CASZ1: variants seen among roughly 807,000 people sequenced by gnomAD.
CASZ1 encodes the protein castor zinc finger 1, also known as zinc finger protein castor homolog 1.
CASZ1 carries 28 observed loss-of-function variants against 135.2 expected under a neutral mutation model. The observed-to-expected ratio is 0.21, with a 90% CI of 0.15 to 0.28. The LOEUF (loss-of-function observed/expected upper bound fraction) is 0.28, where lower values mean the gene tolerates loss of function less well. Among genes scored for constraint, CASZ1 ranks in the 10% least tolerant of loss-of-function variants. The probability of loss-of-function intolerance (pLI) is 1.00; values close to 1 mark genes in which losing one functional copy is unlikely to be tolerated. For missense variants in CASZ1, 2,161 were observed against 2,453.3 expected, an observed-to-expected ratio of 0.88 and a Z score of 2.52; for synonymous variants, 1,068 against 1,073.4, an observed-to-expected ratio of 0.99 and a Z score of 0.10.
chr1:10,779,657 T>C (rs1640727584), intron 1 of CASZ1, among the ~76,000 whole-genome samples: 1 of 152,248 alleles, frequency 6.6e-6, no homozygotes, highest in African/African-American at 2.4e-5. Flanking sequence ...TTTCAAGCGT[T>C]CTACAGAAGC....
Position 10,660,167 on chromosome 1 carries a change from A to G in CASZ1, c.875T>C (p.Leu292Pro). The part of the protein sequence containing the change: ...TAHLETKATI[L>P]PLPSHSSVQM... ...GACACTGCTGTGCGACGGCAGGGGC[A>G]GGATGGTGGCCTTGGTCTCCAGGTG... Residue 292 changes from leucine to proline, a missense_variant, in exon 6 of 21, where the codon CTG becomes CCG. Leu to Pro is a moderately conservative substitution (Grantham distance 98, BLOSUM62 -3). This residue lies in a region of CASZ1 where 590 missense variants were observed against 609.8 expected (regional missense o/e 0.97). Transcript: ENST00000377022. 5 of 1,613,998 alleles carry G rather than the reference A, an allele frequency of 3.1e-6. No homozygotes were observed. The highest frequency in any genetic ancestry group is 4.2e-6 in the Non-Finnish European group (5 of 1,179,970).
In CASZ1 at chr1:10,720,228, A is replaced by G. The variant is rs1639472003; in HGVS notation, c.-76-14684T>C. The stretch of plus-strand genomic sequence containing the variant: ...GCTGTGGTGAGGGTTTGGGGAAGCG[A>G]TGAGGGTAAAGCTCTTAGCAAAGTG... On this transcript the variant is annotated intron_variant, in intron 2 of 20. Transcript: ENST00000377022. This position sits in a 1 kb window ranked among gnomAD's most constrained non-coding sequence, Gnocchi z 5.7. 1.3e-5 allele frequency among the ~76,000 whole-genome samples: 2 copies of G among 152,212 alleles called. No homozygotes were observed. The highest frequency in any genetic ancestry group is 4.8e-5 in the African/African-American group (2 of 41,450).
chr1:10,728,453 A>G (rs1241326230), intron 2 of CASZ1, among the ~76,000 whole-genome samples: 3 of 152,198 alleles, frequency 2.0e-5, no homozygotes, highest in South Asian at 2.1e-4. Context: ...CACCAGGACA[A>G]TCCTGTCCCA....
intron 1 of CASZ1, among the ~76,000 whole-genome samples, chr1:10,766,651 C>G (rs144647570): frequency 2.6e-5 from 4 of 152,188 alleles, no homozygotes; most frequent in African/African-American, 9.7e-5. Flanking sequence ...TTTGATAAAT[C>G]AATCACAAAG....
intron 4 of CASZ1, among the ~76,000 whole-genome samples, chr1:10,693,552 C>T (rs1638833687): frequency 7.0e-6 from 1 of 142,646 alleles, no homozygotes; most frequent in Non-Finnish European, 1.5e-5. Flanking sequence ...AAACACGAAG[C>T]CATACAAAAA....
At position 10,774,150 on chromosome 1, in the gene CASZ1, G is replaced by A. The variant is rs139612204; in HGVS notation, c.-233-13293C>T. The stretch of plus-strand genomic sequence containing the variant: ...GCACTAATCCTCTTTTCCCATTTCC[G>A]TCTGCTTGTGGATGTAATTAGAGTT... On this transcript the variant is annotated intron_variant, in intron 1 of 20. Transcript: ENST00000377022. The surrounding 1 kb of genome is among the most constrained non-coding windows in gnomAD (Gnocchi z 4.4). 2.8e-4 allele frequency among the ~76,000 whole-genome samples: 42 copies of A among 152,206 alleles called. No individual in the cohort carries two copies. The highest frequency in any genetic ancestry group is 3.8e-4 in the Non-Finnish European group (26 of 68,032).
chr1:10,778,725 G>A (rs915314934), intron 1 of CASZ1, among the ~76,000 whole-genome samples: 7 of 152,190 alleles, frequency 4.6e-5, no homozygotes, highest in African/African-American at 1.7e-4. Context: ...CTTGATCCGT[G>A]TGGAATTCCA....
chr1:10,667,552 G>T lies in CASZ1; in HGVS notation c.17-1981C>A, dbSNP rs918229665. Among the ~76,000 whole-genome samples the T allele has an allele frequency of 2.0e-5, 3 of 152,192 alleles. No homozygotes were observed. In the East Asian group the frequency reaches 5.8e-4, roughly 29 times the overall value. On this transcript the variant is annotated intron_variant, in intron 4 of 20. Transcript: ENST00000377022. ...CAGCATCCCACTCGACCTCGGAGCT[G>T]CCCAGCAGGTTCTGTGACGCCGGGT...
chr1:10,658,215 G>A (rs575687666), intron 7 of CASZ1: 157 of 395,404 alleles, frequency 4.0e-4, no homozygotes, highest in African/African-American at 2.9e-3. Flanking sequence ...ACCCAGGCAA[G>A]CTGGGGGAGC....
rs971691426 is a variant in CASZ1, at chr1:10,792,636, C to T, written c.-234+3928G>A. 2.6e-5 allele frequency among the ~76,000 whole-genome samples: 4 copies of T among 151,764 alleles called. No individual in the cohort carries two copies. The East Asian group carries it at 5.9e-4, about 22-fold the overall frequency. On this transcript the variant is annotated intron_variant, in intron 1 of 20. Transcript: ENST00000377022. Reference sequence around the variant, plus strand: ...TTTGCAATTTTTCAGTGTCACAAAACAAGATAATTTTTTTCTGTCTTCCTT... The same window carrying T: ...TTTGCAATTTTTCAGTGTCACAAAATAAGATAATTTTTTTCTGTCTTCCTT...
At chr1:10,742,257 C>T (rs1037863477) in intron 2 of CASZ1, among the ~76,000 whole-genome samples, 5 of 152,114 alleles carry the variant, frequency 3.3e-5, no homozygotes, top group South Asian at 4.1e-4. Flanking sequence ...CGGGAGGGGG[C>T]GGAGGAGAGG....
In CASZ1 at chr1:10,755,501, T is replaced by C. The variant is rs1640235229; in HGVS notation, c.-77+5200A>G. On this transcript the variant is annotated intron_variant, in intron 2 of 20. Transcript: ENST00000377022. The surrounding 1 kb of genome is among the most constrained non-coding windows in gnomAD (Gnocchi z 4.3). ...CCAAATCCACGGGTTGTCCCATCCT[T>C]TGGATCAACTGCGTCACCCGCCGAG... Among the ~76,000 whole-genome samples the C allele has an allele frequency of 6.6e-6, 1 of 151,966 alleles. No homozygotes were observed. Among genetic ancestry groups the C allele is most frequent in the Non-Finnish European group, 1.5e-5 (1 of 67,956 alleles).
In CASZ1 at chr1:10,649,433, G is replaced by A. The variant is rs1298885651; in HGVS notation, c.2885C>T (p.Ser962Phe). The change falls in exon 14 of 21, where the codon TCT becomes TTT. Residue 962 changes from serine to phenylalanine, a missense_variant. Transcript: ENST00000377022. ...GCTGCCCAGGCCAGGGTTGCCCTGAGACATCTGTGAGGGACAGAGGCCGAG... is the reference window on the plus strand; with the variant it reads ...GCTGCCCAGGCCAGGGTTGCCCTGAAACATCTGTGAGGGACAGAGGCCGAG... ...SLLSSLMNKM[S>F]QGNPGLGSLL... The A allele has an allele frequency of 6.2e-7, 1 of 1,608,420 alleles. No homozygotes were observed. Among genetic ancestry groups the A allele is most frequent in the Non-Finnish European group, 8.5e-7 (1 of 1,177,206 alleles).
chr1:10,656,654 T>C lies in CASZ1; in HGVS notation c.1492A>G (p.Asn498Asp). The C allele has an allele frequency of 6.3e-7, 1 of 1,597,536 alleles. No individual in the cohort carries two copies. The highest frequency in any genetic ancestry group is 8.5e-7 in the Non-Finnish European group (1 of 1,172,552). The change falls in exon 8 of 21, where the codon AAC becomes GAC. Residue 498 changes from asparagine (N) to aspartate (D), a missense_variant. Around this residue, in one of 7 missense-constraint regions of CASZ1, gnomAD observed 248 missense variants for 410.8 expected, o/e 0.60. Coordinates refer to ENST00000377022, the MANE Select transcript of CASZ1 (RefSeq NM_001079843.3). ...TCTGGCTGTGGCCGTACCTGGTAGT[T>C]ACACTCAGGGTCAAGGCAGTGGTAG... The part of the protein sequence containing the change: ...EHYHCLDPEC[N>D]YQRFTSKQDV...
At chr1:10,672,871 C>T (rs1171195511) in intron 4 of CASZ1, among the ~76,000 whole-genome samples, 4 of 152,240 alleles carry the variant, frequency 2.6e-5, no homozygotes, top group Non-Finnish European at 5.9e-5. Flanking sequence ...CTCCGTTCCA[C>T]GTCCGCCTCC....
chr1:10,710,199 CA>C (rs1639259848), intron 2 of CASZ1, among the ~76,000 whole-genome samples: 1 of 152,224 alleles, frequency 6.6e-6, no homozygotes, highest in Admixed American at 6.5e-5. Context: ...GAGGCTGGCT[CA>C]GCACCAGCTT....
At chr1:10,714,252 G>A (rs1023898382) in intron 2 of CASZ1, among the ~76,000 whole-genome samples, 5 of 152,148 alleles carry the variant, frequency 3.3e-5, no homozygotes, top group Non-Finnish European at 7.3e-5. Flanking sequence ...AGGTTGCAGT[G>A]AGCCGAGATC....
At chr1:10,740,145 C>G (rs551716120) in intron 2 of CASZ1, among the ~76,000 whole-genome samples, 2 of 152,208 alleles carry the variant, frequency 1.3e-5, no homozygotes, top group African/African-American at 4.8e-5. Context: ...TACGAGTTAC[C>G]GATTCTATGT....
chr1:10,661,643 A>C (rs1643030590), intron 5 of CASZ1, among the ~76,000 whole-genome samples: 2 of 143,906 alleles, frequency 1.4e-5, no homozygotes, highest in African/African-American at 5.2e-5. Context: ...TGCATTCTCA[A>C]ACACACACAC....
Sources: allele counts gnomAD v4.1 joint callset (sites outside exome capture counted in the v4.1 genomes callset), GRCh38; gene constraint gnomAD v4.1.1; regional missense constraint gnomAD v4.1.1; non-coding constraint Gnocchi (gnomAD v3.1); transcripts MANE v1.5; gene names NCBI Gene and HGNC (gene_info 2026-07-23, HGNC 2026-07-21).